The following ADAMTS18 variants were observed in gnomAD, a reference collection of about 807,000 sequenced individuals.
The protein encoded by ADAMTS18 is ADAM metallopeptidase with thrombospondin type 1 motif 18, also known as A disintegrin and metalloproteinase with thrombospondin motifs 18.
A neutral mutation model predicts 165.9 loss-of-function variants in ADAMTS18; 157 were observed. The ratio of observed to expected loss-of-function variants is 0.95; its 90% CI spans 0.83 to 1.08. ADAMTS18 has a LOEUF of 1.08. ADAMTS18 is among the 50% of genes least tolerant of loss of function. The pLI is 0.00. For missense variants in ADAMTS18, 2,040 were observed against 1,534.0 expected (o/e 1.33, Z -5.51); for synonymous variants, 782 against 578.2 (o/e 1.35, Z -5.06).
At chr16:77,296,360 G>C (rs1432427588) in intron 18 of ADAMTS18, among the ~76,000 whole-genome samples, 2 of 152,058 alleles carry the variant, frequency 1.3e-5, no homozygotes, top group African/African-American at 4.8e-5. Flanking sequence ...TTTTTATTTT[G>C]TGTCTTGCTA....
chr16:77,384,208 C>A (rs1025945586), intron 3 of ADAMTS18, among the ~76,000 whole-genome samples: 1 of 152,150 alleles, frequency 6.6e-6, no homozygotes, highest in African/African-American at 2.4e-5. Context: ...AAGACTTCAA[C>A]GTCTACATTT....
intron 22 of ADAMTS18, among the ~76,000 whole-genome samples, chr16:77,287,616 C>A (rs2055278806): frequency 6.6e-6 from 1 of 152,064 alleles, no homozygotes. Flanking sequence ...GGCCTACGGG[C>A]ACCTGCCACC....
chr16:77,401,249 A>AT (rs1255929141), intron 3 of ADAMTS18, among the ~76,000 whole-genome samples: 3 of 152,150 alleles, frequency 2.0e-5, no homozygotes, highest in Non-Finnish European at 4.4e-5. Flanking sequence ...GCTAAACTCC[A>AT]TCTCAAAACA....
intron 10 of ADAMTS18, among the ~76,000 whole-genome samples, chr16:77,350,466 G>C (rs2056539980): frequency 6.6e-6 from 1 of 152,134 alleles, no homozygotes; most frequent in South Asian, 2.1e-4. Flanking sequence ...TGTACCAAGA[G>C]ATGAATCCTC....
At position 77,291,258 on chromosome 16, in the gene ADAMTS18, G is replaced by C. The variant is rs199601470; in HGVS notation, c.3402+8C>G. The C allele has an allele frequency of 5.0e-6, 8 of 1,613,742 alleles. No homozygotes were observed. In the East Asian group the frequency reaches 1.1e-4, roughly 22 times the overall value. ...GAATAGACACCTCCTCAATCGGCCT[G>C]TACCCACCTGCTGCCACGGCAATGA... On this transcript the variant is annotated splice_region_variant and intron_variant, in intron 21 of 22. Coordinates refer to ENST00000282849, the MANE Select transcript of ADAMTS18 (RefSeq NM_199355.4).
At chr16:77,341,877 A>G (rs2056404072) in intron 10 of ADAMTS18, 78 bp from the exon 11 acceptor site, 2 of 1,136,510 alleles carry the variant, frequency 1.8e-6, no homozygotes, top group Admixed American at 4.1e-5. Flanking sequence ...GTTGTATATA[A>G]TATTATATTT....
At chr16:77,369,922 A>G (rs1238486806) in intron 3 of ADAMTS18, among the ~76,000 whole-genome samples, 1 of 152,210 alleles carries the variant, frequency 6.6e-6, no homozygotes, top group Non-Finnish European at 1.5e-5. Context: ...GGGTTGCAAT[A>G]GTTTAACATA....
chr16:77,353,756 ACTTGG>A lies in ADAMTS18; in HGVS notation c.1586_1590del (p.Ala529ValfsTer24). On this transcript the variant is annotated frameshift_variant, in exon 10 of 23. Coordinates refer to ENST00000282849, the MANE Select transcript of ADAMTS18 (RefSeq NM_199355.4). LOFTEE classifies it high-confidence loss of function. ...ACCTTCACAAAACCAAGGCTGCATA[ACTTGG>A]CTTTTGCTCCAAATTGCCATTTACA... is the stretch of plus-strand genomic sequence containing the variant. 1 of 1,614,172 alleles carries A rather than the reference ACTTGG, an allele frequency of 6.2e-7. No homozygotes were observed. Among genetic ancestry groups the A allele is most frequent in the Non-Finnish European group, 8.5e-7 (1 of 1,180,028 alleles).
chr16:77,309,244 A>G (rs1249936370), intron 16 of ADAMTS18, among the ~76,000 whole-genome samples: 2 of 152,042 alleles, frequency 1.3e-5, no homozygotes, highest in Non-Finnish European at 2.9e-5. Flanking sequence ...AAATACAGAA[A>G]TATAACACTT....
At chr16:77,331,889 A>G (rs180799661) in intron 12 of ADAMTS18, among the ~76,000 whole-genome samples, 1 of 152,292 alleles carries the variant, frequency 6.6e-6, no homozygotes, top group East Asian at 1.9e-4. Context: ...TATTTTGGGG[A>G]AAAAATAGAA....
intron 16 of ADAMTS18, among the ~76,000 whole-genome samples, chr16:77,314,788 A>ATATATATATATATATATATATATG (rs2055857442): frequency 2.3e-5 from 2 of 88,462 alleles, no homozygotes. Flanking sequence ...ATATATATAA[A>ATATATATATATATATATATATATG]ATATATGTGA....
chr16:77,340,728 G>T (rs769315280), intron 11 of ADAMTS18, among the ~76,000 whole-genome samples: 1 of 151,952 alleles, frequency 6.6e-6, no homozygotes, highest in Non-Finnish European at 1.5e-5. Context: ...CTACAGGCAC[G>T]CACCACCAAG....
chr16:77,301,718 A>G (rs987814003), intron 16 of ADAMTS18, among the ~76,000 whole-genome samples: 2 of 152,174 alleles, frequency 1.3e-5, no homozygotes, highest in Admixed American at 6.5e-5. Flanking sequence ...AATGACTTCT[A>G]TTTTGCTACT....
At chr16:77,370,435 C>G (rs1170178830) in intron 3 of ADAMTS18, among the ~76,000 whole-genome samples, 1 of 152,146 alleles carries the variant, frequency 6.6e-6, no homozygotes, top group African/African-American at 2.4e-5. Context: ...TATATGCCAA[C>G]AGTGAGCTAT....
At chr16:77,357,936 G>C (rs573310174) in intron 8 of ADAMTS18, among the ~76,000 whole-genome samples, 1 of 152,190 alleles carries the variant, frequency 6.6e-6, no homozygotes, top group East Asian at 1.9e-4. Flanking sequence ...TTTGATTTTG[G>C]ATAATTTTAA....
At chr16:77,411,370 A>C (rs868215769) in intron 3 of ADAMTS18, among the ~76,000 whole-genome samples, 1 of 152,184 alleles carries the variant, frequency 6.6e-6, no homozygotes, top group Admixed American at 6.5e-5. Context: ...CACTAGGGCC[A>C]TATTGCTTTC....
intron 11 of ADAMTS18, among the ~76,000 whole-genome samples, chr16:77,336,788 TG>T (rs2056317609): frequency 1.3e-5 from 2 of 152,352 alleles, no homozygotes; most frequent in African/African-American, 4.8e-5. Flanking sequence ...TTTTATTTTT[TG>T]TTTTTGTTGC....
intron 19 of ADAMTS18, among the ~76,000 whole-genome samples, chr16:77,294,087 C>T (rs186883459): frequency 9.2e-5 from 14 of 152,268 alleles, no homozygotes; most frequent in Admixed American, 2.6e-4. Flanking sequence ...GAAGAACTGT[C>T]ATCAGTGGCT....
intron 13 of ADAMTS18, 124 bp downstream of exon 13, chr16:77,325,742 T>G: frequency 1.1e-6 from 1 of 935,950 alleles, no homozygotes; most frequent in Non-Finnish European, 1.6e-6. Context: ...TGAGCCAGGA[T>G]GGGTCTGGGG....
Sources: gnomAD v4.1 joint callset for allele counts (sites outside exome capture counted in the v4.1 genomes callset) on GRCh38, gnomAD v4.1.1 for gene constraint, MANE v1.5 for transcripts, NCBI Gene and HGNC (gene_info 2026-07-23, HGNC 2026-07-21) for gene names.